DNAH9: variants seen among roughly 807,000 people sequenced by gnomAD.
The protein encoded by DNAH9 is dynein axonemal heavy chain 9.
In DNAH9, 345 loss-of-function variants were observed where a neutral mutation model predicts 471.6. That is an observed-to-expected ratio of 0.73 (90% CI 0.67 to 0.80). DNAH9 has a LOEUF of 0.80. Among genes scored for constraint, DNAH9 ranks in the 30% least tolerant of loss-of-function variants. DNAH9 has a pLI of 0.00. For synonymous variants in DNAH9, 2,093 were observed against 2,123.6 expected (o/e 0.99, Z 0.40); for missense variants, 5,407 against 5,609.2 (o/e 0.96, Z 1.15).
At chr17:11,815,112 C>T (rs549225570) in intron 45 of DNAH9, among the ~76,000 whole-genome samples, 1 of 151,966 alleles carries the variant, frequency 6.6e-6, no homozygotes, top group East Asian at 1.9e-4. Flanking sequence ...GTTTGGTTCT[C>T]CAGCTGCAAA....
chr17:11,624,208 C>T (rs1377886479), intron 6 of DNAH9, among the ~76,000 whole-genome samples: 1 of 152,160 alleles, frequency 6.6e-6, no homozygotes, highest in Non-Finnish European at 1.5e-5. Context: ...TGTATCCTTG[C>T]AATCATCTTA....
At chr17:11,734,538 C>A (rs1157710963) in intron 28 of DNAH9, among the ~76,000 whole-genome samples, 3 of 152,168 alleles carry the variant, frequency 2.0e-5, no homozygotes, top group African/African-American at 7.2e-5. Flanking sequence ...ATCAAGACCC[C>A]CAAGACTGAG....
chr17:11,629,647 G>C, intron 7 of DNAH9, 63 bp downstream of exon 7: 1 of 1,445,820 alleles, frequency 6.9e-7, no homozygotes, highest in Non-Finnish European at 9.4e-7. Context: ...TCATCTGTAG[G>C]GTCTAGGTAT....
intron 19 of DNAH9, among the ~76,000 whole-genome samples, chr17:11,686,108 A>C (rs532370191): frequency 1.3e-5 from 2 of 152,184 alleles, no homozygotes; most frequent in East Asian, 3.9e-4. Context: ...GTTTTATGCT[A>C]CCTGGTGGGT....
At chr17:11,917,595 CT>C (rs1973999232) in intron 61 of DNAH9, among the ~76,000 whole-genome samples, 1 of 152,196 alleles carries the variant, frequency 6.6e-6, no homozygotes, top group African/African-American at 2.4e-5. Flanking sequence ...AGGAGCCACA[CT>C]TCCTTATTTG....
At chr17:11,776,682 C>A (rs1300013288) in intron 38 of DNAH9, among the ~76,000 whole-genome samples, 2 of 152,212 alleles carry the variant, frequency 1.3e-5, no homozygotes, top group East Asian at 3.8e-4. Context: ...AGTCATACAT[C>A]TTAATTTTCA....
chr17:11,961,748 GAA>G, intron 67 of DNAH9, 117 bp from the exon 68 acceptor site: 1 of 1,233,032 alleles, frequency 8.1e-7, no homozygotes, highest in African/African-American at 1.5e-5. Context: ...CAAATGACAT[GAA>G]CAAGGATGGA....
At chr17:11,724,469 A>G (rs1417927638) in intron 27 of DNAH9, among the ~76,000 whole-genome samples, 1 of 152,234 alleles carries the variant, frequency 6.6e-6, no homozygotes, top group Non-Finnish European at 1.5e-5. Context: ...TTAAGATAAT[A>G]TCCTCCAGGT....
At chr17:11,809,670 A>G (rs1969817104) in intron 44 of DNAH9, among the ~76,000 whole-genome samples, 1 of 152,216 alleles carries the variant, frequency 6.6e-6, no homozygotes, top group Non-Finnish European at 1.5e-5. Flanking sequence ...AGTCAAGACC[A>G]AGAGCAATGG....
intron 18 of DNAH9, among the ~76,000 whole-genome samples, chr17:11,680,300 A>G (rs62060832): frequency 6.6e-6 from 1 of 152,238 alleles, no homozygotes; most frequent in Non-Finnish European, 1.5e-5. Context: ...AATGTGGGAC[A>G]TAAAAGAAAA....
intron 45 of DNAH9, among the ~76,000 whole-genome samples, 177 bp from the exon 46 acceptor site, chr17:11,821,743 G>A (rs937971382): frequency 2.0e-5 from 3 of 152,128 alleles, no homozygotes; most frequent in African/African-American, 4.8e-5. Flanking sequence ...TAACATACTC[G>A]TTCTTCTGCC....
intron 36 of DNAH9, among the ~76,000 whole-genome samples, chr17:11,767,959 T>C (rs1321165100): frequency 2.0e-5 from 3 of 152,082 alleles, no homozygotes; most frequent in African/African-American, 7.2e-5. Flanking sequence ...AAAGAAGGAT[T>C]TGCCTGTGGT....
At position 11,834,871 on chromosome 17, in the gene DNAH9, G is replaced by C; in HGVS notation, c.9480G>C (p.Ala3160=). Residue 3160 remains alanine, a synonymous_variant, in exon 49 of 69, where the codon GCG becomes GCC. Transcript: ENST00000262442. ...AGGCTGAGCCAGCACTCACAGCAGC[G>C]CAGGCAGCTCTCAACACCCTGAACA... ...LAKAEPALTA[A]QAALNTLNKT... is the part of the protein sequence containing the mutation. 6.2e-7 allele frequency: 1 copy of C among 1,613,384 alleles called. No homozygotes were observed. Among genetic ancestry groups the C allele is most frequent in the Non-Finnish European group, 8.5e-7 (1 of 1,179,848 alleles).
intron 9 of DNAH9, 25 bp downstream of exon 9, chr17:11,636,809 A>T: frequency 1.2e-6 from 2 of 1,609,002 alleles, no homozygotes; most frequent in Non-Finnish European, 1.7e-6. Context: ...GGGGATTTTG[A>T]TGGGGACATT....
Position 11,727,884 on chromosome 17 carries a change from C to T in DNAH9, c.5776C>T (p.Arg1926Ter), listed in dbSNP as rs750656556. The change falls in exon 28 of 69, where the codon CGA (arginine) becomes TGA (stop). Residue 1926 changes from arginine (R) to a stop codon, truncating the protein, a stop_gained. Transcript: ENST00000262442. LOFTEE classifies it high-confidence loss of function. ...CTGGGGCTGCTTTGATGAGTTTAAT[C>T]GAATCTCCGTGGAGGTCTTGTCAGT... is the stretch of plus-strand genomic sequence containing the variant. ...GAWGCFDEFN[R>*]ISVEVLSVVA... The T allele has an allele frequency of 3.1e-6, 5 of 1,613,904 alleles. No homozygotes were observed. The highest frequency in any genetic ancestry group is 2.7e-5 in the African/African-American group (2 of 74,886).
chr17:11,689,734 G>T lies in DNAH9; in HGVS notation c.3912G>T (p.Glu1304Asp). Reference protein sequence around the residue: ...QCRKEVCQLKELWDTIGMVTS... With the variant: ...QCRKEVCQLKDLWDTIGMVTS... ...GGAAGGAGGTCTGCCAGCTGAAGGA[G>T]CTCTGGGACACCATTGGAATGGTGA... The change falls in exon 20 of 69, where the codon GAG (glutamate) becomes GAT (aspartate). Residue 1304 changes from glutamate (E) to aspartate (D), a missense_variant. Glu to Asp is a conservative substitution (Grantham distance 45, BLOSUM62 2). This residue lies in a region of DNAH9 where 4,636 missense variants were observed against 4,900.3 expected (regional missense o/e 0.95). Coordinates refer to ENST00000262442, the MANE Select transcript of DNAH9 (RefSeq NM_001372.4). 1.2e-6 allele frequency: 2 copies of T among 1,614,210 alleles called. No individual in the cohort carries two copies. The highest frequency in any genetic ancestry group is 1.1e-5 in the South Asian group (1 of 91,086).
chr17:11,800,883 G>A (rs1567811357), intron 43 of DNAH9, among the ~76,000 whole-genome samples: 2 of 152,162 alleles, frequency 1.3e-5, no homozygotes, highest in African/African-American at 4.8e-5. Context: ...CAGTAAAACT[G>A]CTTAGCATGT....
chr17:11,607,718 C>T (rs752647341), intron 1 of DNAH9, among the ~76,000 whole-genome samples: 13 of 152,014 alleles, frequency 8.6e-5, no homozygotes, highest in East Asian at 1.9e-4. Flanking sequence ...CACAGGAACC[C>T]GCCACCACAC....
intron 51 of DNAH9, among the ~76,000 whole-genome samples, chr17:11,869,512 C>T (rs776914565): frequency 6.6e-6 from 1 of 152,162 alleles, no homozygotes; most frequent in East Asian, 1.9e-4. Flanking sequence ...AAAATGGTAA[C>T]ACACTTATAT....
Sources: gnomAD v4.1 joint callset for allele counts (sites outside exome capture counted in the v4.1 genomes callset) on GRCh38, gnomAD v4.1.1 for gene constraint, gnomAD v4.1.1 regional missense constraint, MANE v1.5 for transcripts, NCBI Gene and HGNC (gene_info 2026-07-23, HGNC 2026-07-21) for gene names.